Variants in FOXN3 observed in about 807,000 individuals in gnomAD.
FOXN3 encodes forkhead box protein N3.
In FOXN3, 7 loss-of-function variants were observed where a neutral mutation model predicts 38.4. The observed-to-expected ratio is 0.18, with a 90% CI of 0.10 to 0.34. The LOEUF (loss-of-function observed/expected upper bound fraction) is 0.34. FOXN3 is among the 10% of genes least tolerant of loss of function. The pLI is 1.00. For missense variants in FOXN3, 456 were observed against 613.4 expected (o/e 0.74, Z 2.71); for synonymous variants, 230 against 242.2 (o/e 0.95, Z 0.47).
chr14:89,407,675 T>C (rs1385692020), intron 2 of FOXN3, among the ~76,000 whole-genome samples: 1 of 148,690 alleles, frequency 6.7e-6, no homozygotes, highest in East Asian at 2.0e-4. Flanking sequence ...CTATGAAAAA[T>C]ACAAAAAAAA....
chr14:89,194,444 C>A (rs994964673), intron 4 of FOXN3, among the ~76,000 whole-genome samples: 15 of 152,012 alleles, frequency 9.9e-5, no homozygotes, highest in African/African-American at 4.8e-5. Flanking sequence ...CCAGGAGGAC[C>A]CTCTTTGGCT....
At chr14:89,239,490 A>G (rs1161087437) in intron 4 of FOXN3, among the ~76,000 whole-genome samples, 5 of 152,212 alleles carry the variant, frequency 3.3e-5, no homozygotes, top group Non-Finnish European at 7.3e-5. Flanking sequence ...TATGTCTAGC[A>G]ACAGAGGTGC....
At position 89,163,119 on chromosome 14, in the gene FOXN3, G is replaced by T; in HGVS notation, c.852-150C>A. On this transcript the variant is annotated intron_variant, in intron 5 of 5. Coordinates refer to ENST00000557258, the MANE Select transcript of FOXN3 (RefSeq NM_005197.4). This position sits in a 1 kb window ranked among gnomAD's most constrained non-coding sequence, Gnocchi z 4.3. ...CACTCGCAAACTGTGGGGGCAACAGGTGGATCTGCTTTGAAGGCAGGGTCC... is the reference window on the plus strand; with the variant it reads ...CACTCGCAAACTGTGGGGGCAACAGTTGGATCTGCTTTGAAGGCAGGGTCC... 1 of 681,898 alleles carries T rather than the reference G, an allele frequency of 1.5e-6. No individual in the cohort carries two copies. Among genetic ancestry groups the T allele is most frequent in the Non-Finnish European group, 2.3e-6 (1 of 439,114 alleles). 42.2% of individuals were successfully genotyped at this position (681,898 alleles called of 1,614,324 possible). A position where few individuals can be genotyped will look rare whatever the true frequency, so the allele number is the denominator to read the frequency against.
chr14:89,315,019 A>T (rs1887679639), intron 3 of FOXN3, among the ~76,000 whole-genome samples: 1 of 152,132 alleles, frequency 6.6e-6, no homozygotes, highest in Admixed American at 6.6e-5. Context: ...CAGAAAGCCT[A>T]GTCATCTCCT....
At chr14:89,499,199 A>T (rs1228543207) in intron 1 of FOXN3, among the ~76,000 whole-genome samples, 1 of 152,058 alleles carries the variant, frequency 6.6e-6, no homozygotes, top group African/African-American at 2.4e-5. Context: ...TCACTGTGCA[A>T]AGTGGCCTGG....
intron 4 of FOXN3, among the ~76,000 whole-genome samples, chr14:89,244,344 C>T (rs1219642322): frequency 2.6e-5 from 4 of 152,194 alleles, no homozygotes; most frequent in African/African-American, 9.7e-5. Context: ...GCCATACCTA[C>T]AAATGTCATC....
At chr14:89,437,516 G>A (rs1055958774) in intron 1 of FOXN3, among the ~76,000 whole-genome samples, 10 of 152,142 alleles carry the variant, frequency 6.6e-5, no homozygotes, top group Non-Finnish European at 1.3e-4. Flanking sequence ...TTGAATACGA[G>A]CTGTGTAAAA....
At chr14:89,279,623 T>C (rs528692514) in intron 4 of FOXN3, among the ~76,000 whole-genome samples, 3 of 152,298 alleles carry the variant, frequency 2.0e-5, no homozygotes, top group Admixed American at 6.5e-5. Flanking sequence ...GAAAACAGAA[T>C]AGATTTTTTT....
intron 4 of FOXN3, among the ~76,000 whole-genome samples, chr14:89,228,537 T>C (rs188968021): frequency 8.0e-4 from 122 of 152,346 alleles, no homozygotes; most frequent in African/African-American, 2.6e-3. Context: ...CATTTTAATA[T>C]TGTACCATAT....
intron 1 of FOXN3, among the ~76,000 whole-genome samples, chr14:89,506,140 C>T (rs867984376): frequency 8.2e-4 from 82 of 99,788 alleles, no homozygotes; most frequent in Non-Finnish European, 1.4e-3. Context: ...CCCGGCCGCC[C>T]CTACTGGGAA....
intron 1 of FOXN3, among the ~76,000 whole-genome samples, chr14:89,546,311 T>C (rs1234335628): frequency 7.5e-6 from 1 of 132,996 alleles, no homozygotes; most frequent in Admixed American, 8.3e-5. Flanking sequence ...CAATAGCTTC[T>C]TTTCTTTTTT....
intron 3 of FOXN3, among the ~76,000 whole-genome samples, chr14:89,296,888 C>T (rs1366629933): frequency 1.3e-5 from 2 of 152,142 alleles, no homozygotes; most frequent in South Asian, 2.1e-4. Context: ...CCACCCGCCT[C>T]GGCCTCCCAA....
intron 2 of FOXN3, among the ~76,000 whole-genome samples, chr14:89,369,445 C>A (rs189164223): frequency 6.6e-6 from 1 of 152,074 alleles, no homozygotes. Context: ...ATTCTACCAA[C>A]AAATCTAGAA....
At chr14:89,342,987 T>C (rs1281535351) in intron 3 of FOXN3, among the ~76,000 whole-genome samples, 1 of 152,232 alleles carries the variant, frequency 6.6e-6, no homozygotes, top group African/African-American at 2.4e-5. Context: ...TTCTTTATGC[T>C]TGACTGAATT....
At chr14:89,229,860 T>C (rs891497997) in intron 4 of FOXN3, among the ~76,000 whole-genome samples, 1 of 152,212 alleles carries the variant, frequency 6.6e-6, no homozygotes, top group Non-Finnish European at 1.5e-5. Flanking sequence ...CCACAAGACC[T>C]GGGCCAGCCC....
At chr14:89,468,043 C>T (rs963458617) in intron 1 of FOXN3, among the ~76,000 whole-genome samples, 8 of 151,378 alleles carry the variant, frequency 5.3e-5, no homozygotes, top group Non-Finnish European at 1.2e-4. Flanking sequence ...TATATGCATG[C>T]ACATATATAC....
chr14:89,237,778 G>C (rs1010723021), intron 4 of FOXN3, among the ~76,000 whole-genome samples: 1 of 152,208 alleles, frequency 6.6e-6, no homozygotes, highest in Non-Finnish European at 1.5e-5. Context: ...AGCCATGCTT[G>C]ATCTTTACTC....
At chr14:89,398,915 C>T (rs1007366250) in intron 2 of FOXN3, among the ~76,000 whole-genome samples, 1 of 152,206 alleles carries the variant, frequency 6.6e-6, no homozygotes, top group East Asian at 1.9e-4. Context: ...ACCCAGGAGG[C>T]GGAGGTTGTG....
intron 1 of FOXN3, among the ~76,000 whole-genome samples, chr14:89,587,949 T>C (rs542897021): frequency 1.2e-4 from 18 of 152,144 alleles, no homozygotes; most frequent in Non-Finnish European, 2.2e-4. Flanking sequence ...ATGGGGGCTT[T>C]TTTGTTTTAG....
Sources: gnomAD v4.1 joint callset for allele counts (sites outside exome capture counted in the v4.1 genomes callset) on GRCh38, gnomAD v4.1.1 for gene constraint, Gnocchi (gnomAD v3.1) non-coding constraint, MANE v1.5 for transcripts, NCBI Gene and HGNC (gene_info 2026-07-23, HGNC 2026-07-21) for gene names.